Variants in MALRD1 observed in about 807,000 individuals in gnomAD.
MALRD1 encodes the protein MAM and LDL receptor class A domain containing 1, also known as MAM and LDL-receptor class A domain-containing protein 1.
In MALRD1, 247 loss-of-function variants were observed where a neutral mutation model predicts 242.1. The observed-to-expected ratio is 1.02, with a 90% CI of 0.92 to 1.13. The LOEUF is 1.13. Ranked by LOEUF, MALRD1 falls within the 50% of genes most tolerant of loss-of-function variation. MALRD1 has a pLI of 0.00. For missense variants in MALRD1, 2,989 were observed against 2,533.1 expected, an observed-to-expected ratio of 1.18 and a Z score of -3.86; for synonymous variants, 995 against 866.6, an observed-to-expected ratio of 1.15 and a Z score of -2.60.
At chr10:19,386,092 G>A (rs535708829) in intron 26 of MALRD1, among the ~76,000 whole-genome samples, 4 of 152,008 alleles carry the variant, frequency 2.6e-5, no homozygotes, top group South Asian at 4.1e-4. Context: ...TTCATAATAC[G>A]TTTCCTCTCC....
At chr10:19,080,795 G>A (rs1050417788) in intron 2 of MALRD1, among the ~76,000 whole-genome samples, 3 of 152,002 alleles carry the variant, frequency 2.0e-5, no homozygotes, top group African/African-American at 7.2e-5. Flanking sequence ...AAGAGATTCT[G>A]CACAGCAAAA....
chr10:19,687,916 ATGT>A (rs1842644994), intron 36 of MALRD1, among the ~76,000 whole-genome samples: 1 of 7,288 alleles, frequency 1.4e-4, no homozygotes, highest in Non-Finnish European at 2.4e-4. Context: ...TTTTAATGTT[ATGT>A]TATGTTATGT....
intron 26 of MALRD1, among the ~76,000 whole-genome samples, chr10:19,371,368 T>C (rs1301456329): frequency 6.6e-6 from 1 of 152,214 alleles, no homozygotes; most frequent in Non-Finnish European, 1.5e-5. Flanking sequence ...CCTTTATCAG[T>C]ATGAGGAAGT....
intron 25 of MALRD1, among the ~76,000 whole-genome samples, chr10:19,349,445 C>A (rs549012679): frequency 6.6e-6 from 1 of 152,154 alleles, no homozygotes; most frequent in Non-Finnish European, 1.5e-5. Context: ...TCTCATAGAG[C>A]AATTTCATCT....
intron 29 of MALRD1, among the ~76,000 whole-genome samples, chr10:19,487,372 T>TC (rs5783681): frequency 9.2e-5 from 14 of 151,906 alleles, no homozygotes; most frequent in Admixed American, 2.6e-4. Flanking sequence ...TGTTTATTTT[T>TC]CTTTGGACAC....
intron 10 of MALRD1, among the ~76,000 whole-genome samples, chr10:19,140,662 G>A (rs558809055): frequency 5.2e-4 from 79 of 151,936 alleles, no homozygotes; most frequent in Admixed American, 1.9e-3. Flanking sequence ...GCGTGGAGGG[G>A]ATTATGCAAA....
chr10:19,543,495 A>G (rs974689682), intron 32 of MALRD1, among the ~76,000 whole-genome samples: 2 of 135,024 alleles, frequency 1.5e-5, no homozygotes, highest in African/African-American at 5.5e-5. Flanking sequence ...GCTGGTCTCC[A>G]ACTGCTGGAC....
intron 36 of MALRD1, among the ~76,000 whole-genome samples, chr10:19,632,036 C>T (rs1759140207): frequency 6.6e-6 from 1 of 151,924 alleles, no homozygotes; most frequent in African/African-American, 2.4e-5. Flanking sequence ...GCCAGATGGC[C>T]CAAATAACAA....
chr10:19,716,511 C>T (rs1190774099), intron 38 of MALRD1, among the ~76,000 whole-genome samples: 1 of 152,210 alleles, frequency 6.6e-6, no homozygotes, highest in Non-Finnish European at 1.5e-5. Context: ...AGCCACTATG[C>T]TTCCTGTATA....
intron 38 of MALRD1, among the ~76,000 whole-genome samples, chr10:19,718,278 A>G (rs1469238666): frequency 6.6e-6 from 1 of 151,834 alleles, no homozygotes; most frequent in African/African-American, 2.4e-5. Flanking sequence ...TAATTTATAA[A>G]GAAAAGGGGC....
intron 28 of MALRD1, among the ~76,000 whole-genome samples, chr10:19,429,158 T>C (rs138115209): frequency 1.4e-3 from 206 of 152,320 alleles, no homozygotes; most frequent in African/African-American, 4.8e-3. Flanking sequence ...ACTGTAAATA[T>C]GTATTACTGT....
intron 31 of MALRD1, among the ~76,000 whole-genome samples, chr10:19,504,663 C>CTTTT (rs1564397363): frequency 2.3e-5 from 3 of 128,706 alleles, no homozygotes; most frequent in Non-Finnish European, 3.2e-5. Context: ...TATTGTAACA[C>CTTTT]ATTTTTTTTT....
At chr10:19,634,724 G>A (rs1840051859) in intron 36 of MALRD1, among the ~76,000 whole-genome samples, 1 of 152,086 alleles carries the variant, frequency 6.6e-6, no homozygotes. Flanking sequence ...ACCTCAACGT[G>A]GTTGCACAGC....
chr10:19,584,773 G>A (rs1837304041), intron 33 of MALRD1, among the ~76,000 whole-genome samples: 1 of 152,012 alleles, frequency 6.6e-6, no homozygotes, highest in South Asian at 2.1e-4. Flanking sequence ...CAATTCCTGG[G>A]TATTGTTGTT....
At chr10:19,441,063 G>T (rs1834617598) in intron 28 of MALRD1, among the ~76,000 whole-genome samples, 1 of 152,130 alleles carries the variant, frequency 6.6e-6, no homozygotes. Flanking sequence ...GTATCCCATT[G>T]TGGTTTTGAT....
chr10:19,650,408 G>T lies in MALRD1; in HGVS notation c.6137+34485G>T, dbSNP rs185579480. 1.2e-4 allele frequency among the ~76,000 whole-genome samples: 19 copies of T among 152,222 alleles called. No homozygotes were observed. The East Asian group carries it at 2.5e-3, about 20-fold the overall frequency. On this transcript the variant is annotated intron_variant, in intron 36 of 39. Coordinates refer to ENST00000454679, the MANE Select transcript of MALRD1 (RefSeq NM_001142308.3). ...AAGAGAAATAATACAAAATGGAAAC[G>T]TGCATCTATAGAGAAAAACAAAGGC... is the stretch of plus-strand genomic sequence containing the variant.
chr10:19,491,364 G>C, intron 29 of MALRD1, 153 bp from the exon 30 acceptor site: 1 of 893,438 alleles, frequency 1.1e-6, no homozygotes, highest in South Asian at 1.6e-5. Flanking sequence ...AGGTGGGACT[G>C]AGAAAGAGGA....
At chr10:19,063,892 A>G (rs1834895270) in intron 1 of MALRD1, among the ~76,000 whole-genome samples, 1 of 152,146 alleles carries the variant, frequency 6.6e-6, no homozygotes, top group Non-Finnish European at 1.5e-5. Context: ...ATGTATACAT[A>G]TGTAACTAAC....
At chr10:19,642,541 A>G (rs1840438613) in intron 36 of MALRD1, among the ~76,000 whole-genome samples, 1 of 152,200 alleles carries the variant, frequency 6.6e-6, no homozygotes, top group Non-Finnish European at 1.5e-5. Context: ...TATTGAATAG[A>G]ATCACAGGGG....
Sources: gnomAD v4.1 joint callset for allele counts (sites outside exome capture counted in the v4.1 genomes callset) on GRCh38, gnomAD v4.1.1 for gene constraint, MANE v1.5 for transcripts, NCBI Gene and HGNC (gene_info 2026-07-23, HGNC 2026-07-21) for gene names.